ACO2: variants seen among roughly 807,000 people sequenced by gnomAD.
ACO2 encodes the protein aconitate hydratase, mitochondrial.
In ACO2, 31 loss-of-function variants were observed where a neutral mutation model predicts 84.5. That is an observed-to-expected ratio of 0.37 (90% confidence interval 0.28 to 0.50). The LOEUF (loss-of-function observed/expected upper bound fraction) is 0.50, where lower values mean the gene tolerates loss of function less well. Ranked by LOEUF, ACO2 falls within the 20% of genes least tolerant of loss-of-function variation. The pLI is 0.97. For synonymous variants in ACO2, 414 were observed against 412.7 expected (o/e 1.00, Z -0.04); for missense variants, 685 against 1,029.3 (o/e 0.67, Z 4.58).
chr22:41,469,661 C>A (rs1249428088), intron 1 of ACO2, among the ~76,000 whole-genome samples: 2 of 152,106 alleles, frequency 1.3e-5, no homozygotes, highest in African/African-American at 4.8e-5. Context: ...CCCTGTACCA[C>A]CTTTTGAGGA....
intron 1 of ACO2, among the ~76,000 whole-genome samples, chr22:41,489,389 T>A (rs1215348476): frequency 1.3e-5 from 2 of 152,168 alleles, no homozygotes; most frequent in Non-Finnish European, 1.5e-5. Context: ...ACATTCTTAA[T>A]TTCTTCCAAA....
intron 3 of ACO2, among the ~76,000 whole-genome samples, chr22:41,509,629 T>C (rs1034367157): frequency 2.0e-5 from 3 of 152,022 alleles, no homozygotes; most frequent in African/African-American, 4.8e-5. Context: ...GCAAAGACCC[T>C]GAGCCAGGAA....
At chr22:41,517,676 C>A in intron 7 of ACO2, 45 bp downstream of exon 7, 1 of 1,493,276 alleles carries the variant, frequency 6.7e-7, no homozygotes, top group Non-Finnish European at 9.3e-7. Context: ...CAGTCACATG[C>A]CCGCTCCTCC....
Position 41,515,965 on chromosome 22 carries a change from G to A in ACO2, c.835+48G>A. ...GTGGCCCCTACCCTGTGCTGGGCCT[G>A]ATGGGTCTCCAGTTGGGAGTAGAAG... On this transcript the variant is annotated intron_variant, in intron 6 of 17. Coordinates refer to ENST00000216254, the MANE Select transcript of ACO2 (RefSeq NM_001098.3). The surrounding 1 kb of genome is among the most constrained non-coding windows in gnomAD (Gnocchi z 5.8). 6.3e-7 allele frequency: 1 copy of A among 1,588,670 alleles called. No homozygotes were observed. Among genetic ancestry groups the A allele is most frequent in the South Asian group, 1.1e-5 (1 of 88,268 alleles).
intron 9 of ACO2, among the ~76,000 whole-genome samples, chr22:41,522,391 T>TGCGA (rs2066533953): frequency 6.6e-6 from 1 of 152,194 alleles, no homozygotes; most frequent in Non-Finnish European, 1.5e-5. Flanking sequence ...TATTCAGGTT[T>TGCGA]TATAGACTTT....
At chr22:41,509,447 C>T (rs1344905731) in intron 3 of ACO2, among the ~76,000 whole-genome samples, 1 of 151,992 alleles carries the variant, frequency 6.6e-6, no homozygotes, top group African/African-American at 2.4e-5. Context: ...AACTGCAGAT[C>T]TGGGTATGTG....
In ACO2 at chr22:41,515,641, C is replaced by T. The variant is rs776880915; in HGVS notation, c.684+106C>T. On this transcript the variant is annotated intron_variant, in intron 5 of 17. Coordinates refer to ENST00000216254, the MANE Select transcript of ACO2 (RefSeq NM_001098.3). The surrounding 1 kb of genome is among the most constrained non-coding windows in gnomAD (Gnocchi z 5.8). Reference sequence around the variant, plus strand: ...GAGGGAAAAGGGAACAAGTTAGACTCGAATCTTCTGGGAGGGAGGTAGAGA... The same window carrying T: ...GAGGGAAAAGGGAACAAGTTAGACTTGAATCTTCTGGGAGGGAGGTAGAGA... 1.7e-4 allele frequency: 274 copies of T among 1,581,486 alleles called. 1 individual carries two copies. The highest frequency in any genetic ancestry group is 5.8e-4 in the Middle Eastern group (3 of 5,132).
chr22:41,478,449 A>G (rs1318625177), intron 1 of ACO2, among the ~76,000 whole-genome samples: 1 of 152,170 alleles, frequency 6.6e-6, no homozygotes, highest in Non-Finnish European at 1.5e-5. Flanking sequence ...TGGCCAAGAA[A>G]ACCCTTTCAA....
chr22:41,527,514 G>T (rs2066626678), intron 16 of ACO2, 94 bp downstream of exon 16: 5 of 1,506,776 alleles, frequency 3.3e-6, no homozygotes, highest in Non-Finnish European at 3.6e-6. Context: ...CTGGTTCTAG[G>T]CTGTGTCCAC....
intron 6 of ACO2, 119 bp downstream of exon 6, chr22:41,516,036 C>T (rs2066473645): frequency 1.5e-6 from 2 of 1,360,826 alleles, no homozygotes; most frequent in Non-Finnish European, 2.1e-6. Flanking sequence ...CATTTGGGGA[C>T]TTGGGATAGA....
chr22:41,477,329 A>AT lies in ACO2; in HGVS notation c.36+8158dup, dbSNP rs1291030951. Among the ~76,000 whole-genome samples, 923 of 140,192 alleles carry AT rather than the reference A, an allele frequency of 6.6e-3. 3 individuals carry two copies. Among genetic ancestry groups the AT allele is most frequent in the African/African-American group, 1.0e-2 (382 of 38,290 alleles). The allele number at this position is 140,192 out of a possible 152,430, so 92.0% of individuals were successfully genotyped here. The stretch of plus-strand genomic sequence containing the variant: ...CCACCACGCCCAGCTAATTTTTTGT[A>AT]TTTTTTTTTTTAGTAGAGATGGGGT... On this transcript the variant is annotated intron_variant, in intron 1 of 17. Transcript: ENST00000216254.
intron 3 of ACO2, among the ~76,000 whole-genome samples, chr22:41,511,132 G>A (rs1339899988): frequency 6.6e-6 from 1 of 152,118 alleles, no homozygotes; most frequent in Non-Finnish European, 1.5e-5. Context: ...CGGCCTGCAA[G>A]TAGCTGGGAC....
At chr22:41,501,372 C>G (rs1019023042) in intron 2 of ACO2, among the ~76,000 whole-genome samples, 1 of 152,186 alleles carries the variant, frequency 6.6e-6, no homozygotes, top group African/African-American at 2.4e-5. Context: ...GCAGTCAGCT[C>G]TGCCCTGCTG....
Position 41,499,873 on chromosome 22 carries a change from A to G in ACO2, c.173+11A>G. On this transcript the variant is annotated intron_variant, in intron 2 of 17. Coordinates refer to ENST00000216254, the MANE Select transcript of ACO2 (RefSeq NM_001098.3). Reference sequence around the variant, plus strand: ...CATTGTTCGCAAACGGTAAGGCTGCAGATGGGAGGCTGTGACTGTCAAGGG... The same window carrying G: ...CATTGTTCGCAAACGGTAAGGCTGCGGATGGGAGGCTGTGACTGTCAAGGG... 1 of 1,613,528 alleles carries G rather than the reference A, an allele frequency of 6.2e-7. No individual in the cohort carries two copies. The highest frequency in any genetic ancestry group is 1.1e-5 in the South Asian group (1 of 91,010).
chr22:41,492,677 G>T (rs764587806), intron 1 of ACO2, among the ~76,000 whole-genome samples: 41 of 152,276 alleles, frequency 2.7e-4, no homozygotes, highest in Non-Finnish European at 5.7e-4. Context: ...GGAGGCTGAG[G>T]CAGGAGACTC....
At chr22:41,508,122 C>G in intron 3 of ACO2, 73 bp downstream of exon 3, 1 of 1,520,372 alleles carries the variant, frequency 6.6e-7, no homozygotes, top group Non-Finnish European at 8.9e-7. Context: ...CACACTGGAG[C>G]AAACCAGGGC....
chr22:41,524,747 C>A, intron 12 of ACO2, 99 bp from the exon 13 acceptor site: 1 of 1,567,172 alleles, frequency 6.4e-7, no homozygotes, highest in East Asian at 2.3e-5. Context: ...ATGGAAATTT[C>A]CTGGGTTCCT....
At chr22:41,512,332 CA>C (rs2066439667) in intron 4 of ACO2, 1 of 203,106 alleles carries the variant, frequency 4.9e-6, no homozygotes, top group African/African-American at 2.4e-5. Context: ...CCCCTTGTGG[CA>C]TGCATCACTG....
At chr22:41,469,217 G>A (rs750309326) in intron 1 of ACO2, 35 bp downstream of exon 1, 1 of 1,601,708 alleles carries the variant, frequency 6.2e-7, no homozygotes, top group Non-Finnish European at 8.5e-7. Flanking sequence ...GTTCACGGGG[G>A]CGGGGTGCCT....
Sources: gnomAD v4.1 joint callset for allele counts (sites outside exome capture counted in the v4.1 genomes callset) on GRCh38, gnomAD v4.1.1 for gene constraint, Gnocchi (gnomAD v3.1) non-coding constraint, MANE v1.5 for transcripts, NCBI Gene and HGNC (gene_info 2026-07-23, HGNC 2026-07-21) for gene names.